The following SV2C variants were observed in gnomAD, a reference collection of about 807,000 sequenced individuals.
SV2C encodes synaptic vesicle glycoprotein 2C.
A neutral mutation model predicts 79.7 loss-of-function variants in SV2C; 49 were observed. That is an observed-to-expected ratio of 0.61 (90% CI 0.49 to 0.78). SV2C has a LOEUF of 0.78. Ranked by LOEUF, SV2C falls within the 30% of genes least tolerant of loss-of-function variation. SV2C has a pLI of 0.00. For missense variants in SV2C, 833 were observed against 912.9 expected (o/e 0.91, Z 1.13); for synonymous variants, 334 against 333.2 (o/e 1.00, Z -0.03).
At chr5:76,210,016 A>G (rs1580355734) in intron 4 of SV2C, 129 bp downstream of exon 4, 1 of 1,130,958 alleles carries the variant, frequency 8.8e-7, no homozygotes, top group Non-Finnish European at 1.2e-6. Context: ...TCCCTTTCAT[A>G]GTGTCCAGGA....
chr5:76,278,008 CAAAT>C (rs571267906), intron 4 of SV2C, among the ~76,000 whole-genome samples: 375 of 152,256 alleles, frequency 2.5e-3, no homozygotes, highest in African/African-American at 8.4e-3. Context: ...TAACTAAAAA[CAAAT>C]AAAGTTTTAC....
At chr5:75,890,527 A>C in the SV2C span, among the ~76,000 whole-genome samples, 2 of 152,134 alleles carry the variant, frequency 1.3e-5, no homozygotes, top group Non-Finnish European at 2.9e-5. Flanking sequence ...TGATAAAAGA[A>C]AGGAAAAAGA....
chr5:76,285,804 G>C lies in SV2C; in HGVS notation c.1071G>C (p.Trp357Cys). ...AGGTTGGAAAACATGATGAAGCTTGGATGATTCTGAAGTTAATTCATGACA... is the reference window on the plus strand; with the variant it reads ...AGGTTGGAAAACATGATGAAGCTTGCATGATTCTGAAGTTAATTCATGACA... Reference protein sequence around the residue: ...LLEVGKHDEAWMILKLIHDTN... With the variant: ...LLEVGKHDEACMILKLIHDTN... The change falls in exon 6 of 13, where the codon TGG becomes TGC. Residue 357 changes from tryptophan (W) to cysteine (C), a missense_variant. By Grantham distance (215) the Trp-to-Cys change is radical (BLOSUM62 -2). Transcript: ENST00000502798. The C allele has an allele frequency of 6.2e-7, 1 of 1,614,036 alleles. No individual in the cohort carries two copies. Among genetic ancestry groups the C allele is most frequent in the South Asian group, 1.1e-5 (1 of 91,054 alleles).
rs934402257 is a variant in SV2C at position 76,174,254 on chromosome 5, C to G, written c.581-20665C>G. 2.0e-6 allele frequency: 3 copies of G among 1,491,838 alleles called. No homozygotes were observed. The Admixed American group carries it at 5.1e-5, about 25-fold the overall frequency. The allele number at this position is 1,491,838 out of a possible 1,614,324, so 92.4% of individuals were successfully genotyped here. On this transcript the variant is annotated intron_variant, in intron 2 of 12. Transcript: ENST00000502798. ...GTCACCGGGTCTCTGCAGCCAGCGTCGCCCCGTGCTCCCCGCGGGTCGCTA... is the reference window on the plus strand; with the variant it reads ...GTCACCGGGTCTCTGCAGCCAGCGTGGCCCCGTGCTCCCCGCGGGTCGCTA...
chr5:76,210,019 G>A, intron 4 of SV2C, 132 bp downstream of exon 4: 1 of 1,133,840 alleles, frequency 8.8e-7, no homozygotes, highest in Non-Finnish European at 1.2e-6. Context: ...CTTTCATAGT[G>A]TCCAGGAGTT....
At chr5:76,179,441 T>C (rs887530991) in intron 2 of SV2C, among the ~76,000 whole-genome samples, 3 of 152,220 alleles carry the variant, frequency 2.0e-5, no homozygotes, top group Non-Finnish European at 4.4e-5. Context: ...TTTTTCTTAC[T>C]CTCAAAGTGA....
At chr5:76,324,109 T>G (rs950097658) in intron 12 of SV2C, among the ~76,000 whole-genome samples, 5 of 152,150 alleles carry the variant, frequency 3.3e-5, no homozygotes, top group African/African-American at 1.2e-4. Context: ...TTGTTGCACT[T>G]AACAACAGTT....
chr5:75,885,977 G>A, the SV2C span, among the ~76,000 whole-genome samples: 1 of 152,126 alleles, frequency 6.6e-6, no homozygotes, highest in Admixed American at 6.6e-5. Context: ...ACTCAGTTCC[G>A]TGGGGAGCTC....
chr5:76,241,973 T>C, intron 4 of SV2C: 1 of 910,888 alleles, frequency 1.1e-6, no homozygotes, highest in Admixed American at 1.8e-5. Context: ...AAAATAGTAT[T>C]TCAAACTGTA....
intron 4 of SV2C, among the ~76,000 whole-genome samples, chr5:76,260,373 T>A (rs1203920383): frequency 6.6e-6 from 1 of 152,198 alleles, no homozygotes; most frequent in Non-Finnish European, 1.5e-5. Context: ...TTGCAAAAAT[T>A]TTCTCCCGTT....
At chr5:76,092,676 C>A (rs538176259) in intron 1 of SV2C, among the ~76,000 whole-genome samples, 10 of 152,222 alleles carry the variant, frequency 6.6e-5, no homozygotes, top group African/African-American at 2.4e-4. Context: ...TCACTCTACT[C>A]GACTGTGTAT....
At chr5:76,300,134 C>T (rs1747930639) in intron 10 of SV2C, among the ~76,000 whole-genome samples, 1 of 148,042 alleles carries the variant, frequency 6.8e-6, no homozygotes, top group Admixed American at 6.8e-5. Context: ...GCAATCACAG[C>T]TCACTGCGGC....
chr5:75,958,667 A>C, the SV2C span, among the ~76,000 whole-genome samples: 1 of 151,872 alleles, frequency 6.6e-6, no homozygotes, highest in Non-Finnish European at 1.5e-5. Flanking sequence ...AAGTTTCTCA[A>C]ATATAGATTT....
At chr5:76,345,990 G>T (rs246808) in intron 12 of SV2C, among the ~76,000 whole-genome samples, 1 of 151,942 alleles carries the variant, frequency 6.6e-6, no homozygotes, top group Non-Finnish European at 1.5e-5. Context: ...ATTTTTGTTC[G>T]CAATAAGCAA....
chr5:76,325,437 C>T lies in SV2C; in HGVS notation c.2074C>T (p.Leu692=). ...AVLGNLIFGS[L]VSITKSIPIL... The stretch of plus-strand genomic sequence containing the variant: ...CCTGGGAAACTTAATATTTGGCTCT[C>T]TGGTCAGCATCACCAAATCAATCCC... The change falls in exon 13 of 13, where the codon CTG becomes TTG. Residue 692 remains leucine, a synonymous_variant. Transcript: ENST00000502798. 1 of 1,614,202 alleles carries T rather than the reference C, an allele frequency of 6.2e-7. No homozygotes were observed. Among genetic ancestry groups the T allele is most frequent in the Non-Finnish European group, 8.5e-7 (1 of 1,180,036 alleles).
At chr5:76,130,590 A>T (rs1006082600) in intron 1 of SV2C, among the ~76,000 whole-genome samples, 1 of 152,214 alleles carries the variant, frequency 6.6e-6, no homozygotes, top group African/African-American at 2.4e-5. Context: ...TCATCTGTGT[A>T]CAAGGATGAA....
chr5:75,873,080 C>T, the SV2C span, among the ~76,000 whole-genome samples: 1 of 151,972 alleles, frequency 6.6e-6, no homozygotes, highest in East Asian at 1.9e-4. Flanking sequence ...TTAAAAATAT[C>T]TGTACATCAA....
At chr5:76,022,847 A>G in the SV2C span, among the ~76,000 whole-genome samples, 2 of 152,200 alleles carry the variant, frequency 1.3e-5, no homozygotes, top group African/African-American at 4.8e-5. Context: ...TTATTAATGC[A>G]GTTTTCCAAT....
At chr5:76,305,296 G>A (rs1285266454) in intron 12 of SV2C, among the ~76,000 whole-genome samples, 2 of 152,140 alleles carry the variant, frequency 1.3e-5, no homozygotes, top group Non-Finnish European at 2.9e-5. Flanking sequence ...TGCATTTACT[G>A]TGAAAACACT....
Sources: allele counts gnomAD v4.1 joint callset (sites outside exome capture counted in the v4.1 genomes callset), GRCh38; gene constraint gnomAD v4.1.1; transcripts MANE v1.5; gene names NCBI Gene and HGNC (gene_info 2026-07-23, HGNC 2026-07-21).